The following SERPINA11 variants were observed in gnomAD, a reference collection of about 807,000 sequenced individuals.
The protein encoded by SERPINA11 is serpin family A member 11.
A neutral mutation model predicts 29.4 loss-of-function variants in SERPINA11; 28 were observed. The observed-to-expected ratio is 0.95, with a 90% CI of 0.70 to 1.30. SERPINA11 has a LOEUF of 1.30. SERPINA11 is among the 50% of genes most tolerant of loss of function. The probability of loss-of-function intolerance (pLI) is 0.00; values close to 1 mark genes in which losing one functional copy is unlikely to be tolerated. For synonymous variants in SERPINA11, 253 were observed against 206.6 expected, an observed-to-expected ratio of 1.22 and a Z score of -1.92; for missense variants, 530 against 507.3, an observed-to-expected ratio of 1.04 and a Z score of -0.43.
chr14:94,446,942 A>T (rs914357223), intron 2 of SERPINA11, among the ~76,000 whole-genome samples: 1 of 152,254 alleles, frequency 6.6e-6, no homozygotes, highest in African/African-American at 2.4e-5. Flanking sequence ...TATTATTCCC[A>T]TATCAGGGAT....
intron 1 of SERPINA11, among the ~76,000 whole-genome samples, chr14:94,451,189 A>G (rs1898579515): frequency 6.6e-6 from 1 of 152,168 alleles, no homozygotes; most frequent in African/African-American, 2.4e-5. Flanking sequence ...TATTTTTGCA[A>G]ATGGGTTTGT....
chr14:94,450,228 T>A (rs929328759), intron 1 of SERPINA11, among the ~76,000 whole-genome samples: 1 of 152,176 alleles, frequency 6.6e-6, no homozygotes, highest in Non-Finnish European at 1.5e-5. Context: ...GAATTGTACC[T>A]GCCCGAAATT....
At chr14:94,443,283 C>T in intron 3 of SERPINA11, 58 bp from the exon 4 acceptor site, 2 of 1,552,488 alleles carry the variant, frequency 1.3e-6, no homozygotes, top group Middle Eastern at 1.7e-4. Context: ...GCCACTCCTG[C>T]TCTGTCTGTC....
intron 4 of SERPINA11, 131 bp from the exon 5 acceptor site, chr14:94,442,940 T>A: frequency 4.8e-6 from 6 of 1,260,134 alleles, no homozygotes; most frequent in Non-Finnish European, 6.6e-6. Flanking sequence ...CATGAAGAGA[T>A]GCCTTAAAGA....
Position 94,446,390 on chromosome 14 carries a change from C to A in SERPINA11, c.858G>T (p.Gln286His). The A allele has an allele frequency of 1.2e-6, 2 of 1,614,170 alleles. No homozygotes were observed. Among genetic ancestry groups the A allele is most frequent in the Non-Finnish European group, 1.7e-6 (2 of 1,180,020 alleles). Residue 286 changes from glutamine to histidine, a missense_variant, in exon 3 of 5, where the codon CAG becomes CAT. Coordinates refer to ENST00000334708, the MANE Select transcript of SERPINA11 (RefSeq NM_001080451.2). ...TCTGTGGCTGCAGAGCAGCCTCCAC[C>A]TGCTTCATTTTCCCCGGGTCAGGGA... The part of the protein sequence containing the change: ...LVLPDPGKMK[Q>H]VEAALQPQTL...
chr14:94,443,329 C>A (rs942773901), intron 3 of SERPINA11, 104 bp from the exon 4 acceptor site: 20 of 1,119,686 alleles, frequency 1.8e-5, no homozygotes, highest in Non-Finnish European at 2.6e-5. Context: ...CATTTCCCAG[C>A]GTGAGAAGCA....
Position 94,442,539 on chromosome 14 carries a change from C to T in SERPINA11, c.*67G>A, listed in dbSNP as rs141705223. 8.9e-3 allele frequency: 10,316 copies of T among 1,156,048 alleles called. 58 individuals are homozygous for T. Among genetic ancestry groups the T allele is most frequent in the Non-Finnish European group, 0.011 (8,668 of 808,038 alleles). The allele number at this position is 1,156,048 out of a possible 1,614,324, so 71.6% of individuals were successfully genotyped here. A position where few individuals can be genotyped will look rare whatever the true frequency, so the allele number is the denominator to read the frequency against. On this transcript the variant is annotated 3_prime_UTR_variant, in exon 5 of 5. Coordinates refer to ENST00000334708, the MANE Select transcript of SERPINA11 (RefSeq NM_001080451.2). ...TGAACCACATAGCAGCCCCAGGATG[C>T]AGGCTGGTTCTGGCCTATCTGTTTG...
intron 1 of SERPINA11, among the ~76,000 whole-genome samples, chr14:94,449,929 G>T (rs1342755986): frequency 3.9e-5 from 6 of 152,188 alleles, no homozygotes; most frequent in African/African-American, 1.4e-4. Flanking sequence ...CAAAGCCTCG[G>T]TCAGGCCCCA....
chr14:94,452,163 GC>G (rs1898598419), intron 1 of SERPINA11, among the ~76,000 whole-genome samples: 1 of 152,130 alleles, frequency 6.6e-6, no homozygotes, highest in Non-Finnish European at 1.5e-5. Context: ...GAGTGGTCCT[GC>G]CCAAATACCG....
Position 94,443,177 on chromosome 14 carries a change from G to A in SERPINA11, c.966C>T (p.Asn322=), listed in dbSNP as rs1287487044. ...LPRFSISGTY[N]LEDILPQIGL... ...CAATTTGGGGAAGTATGTCTTCCAG[G>A]TTATATGTTCCAGAAATTGAAAACC... is the stretch of plus-strand genomic sequence containing the variant. The change falls in exon 4 of 5, where the codon AAC becomes AAT. Residue 322 remains asparagine (N), a synonymous_variant. Coordinates refer to ENST00000334708, the MANE Select transcript of SERPINA11 (RefSeq NM_001080451.2). The A allele has an allele frequency of 1.9e-6, 3 of 1,613,808 alleles. No homozygotes were observed. The highest frequency in any genetic ancestry group is 2.5e-6 in the Non-Finnish European group (3 of 1,179,888).
chr14:94,447,291 C>T (rs991134163), intron 2 of SERPINA11, among the ~76,000 whole-genome samples: 1 of 152,188 alleles, frequency 6.6e-6, no homozygotes, highest in Non-Finnish European at 1.5e-5. Context: ...ATAAATCTGT[C>T]CCCACAAACA....
chr14:94,447,562 C>T (rs1898470033), intron 2 of SERPINA11, among the ~76,000 whole-genome samples: 1 of 152,220 alleles, frequency 6.6e-6, no homozygotes. Flanking sequence ...TGTCACTTCA[C>T]ATTTAAAAGT....
rs113919455 is a variant in SERPINA11 at position 94,448,338 on chromosome 14, C to A, written c.437G>T (p.Arg146Leu). ...KVGNSLFLDK[R>L]LKPRQHYLDS... ...CAAATAGTGCTGCCGAGGCTTTAGT[C>A]GCTTGTCTAGGAACAGGGAGTTTCC... Residue 146 changes from arginine (R) to leucine (L), a missense_variant, in exon 2 of 5, where the codon CGA (arginine) becomes CTA (leucine). Arg to Leu is a moderately radical substitution (Grantham distance 102). Transcript: ENST00000334708. The A allele has an allele frequency of 1.2e-6, 2 of 1,614,192 alleles. No individual in the cohort carries two copies. Among genetic ancestry groups the A allele is most frequent in the African/African-American group, 2.7e-5 (2 of 75,050 alleles).
At chr14:94,446,308 C>T (rs1898436433) in intron 3 of SERPINA11, 23 bp downstream of exon 3, 1 of 1,601,202 alleles carries the variant, frequency 6.2e-7, no homozygotes, top group Non-Finnish European at 8.5e-7. Context: ...GGTCAGCCAG[C>T]ATCCTTCTGC....
At chr14:94,445,448 A>G (rs1898415564) in intron 3 of SERPINA11, among the ~76,000 whole-genome samples, 1 of 152,246 alleles carries the variant, frequency 6.6e-6, no homozygotes, top group South Asian at 2.1e-4. Flanking sequence ...AAAGCAAGTG[A>G]GATGGGAAAT....
At chr14:94,447,165 A>G (rs1302811267) in intron 2 of SERPINA11, among the ~76,000 whole-genome samples, 1 of 152,252 alleles carries the variant, frequency 6.6e-6, no homozygotes, top group Non-Finnish European at 1.5e-5. Context: ...AGGAAAAAGA[A>G]TTCAATTAAT....
At chr14:94,445,905 AT>A (rs941272180) in intron 3 of SERPINA11, among the ~76,000 whole-genome samples, 1 of 151,564 alleles carries the variant, frequency 6.6e-6, no homozygotes, top group Non-Finnish European at 1.5e-5. Flanking sequence ...CTCTGATCTG[AT>A]TTTTTTTGCT....
rs577969708 is a variant in SERPINA11, at chr14:94,452,275, T to C, written c.-4+454A>G. Among the ~76,000 whole-genome samples the C allele has an allele frequency of 2.0e-5, 3 of 152,322 alleles. No individual in the cohort carries two copies. The South Asian group carries it at 6.2e-4, about 32-fold the overall frequency. On this transcript the variant is annotated intron_variant, in intron 1 of 4. Transcript: ENST00000334708. ...TATTAGCCCTACTGTACACAGGGAA[T>C]GACTGATGCAGGGTTAGGACAAGCC... is the stretch of plus-strand genomic sequence containing the variant.
At chr14:94,450,466 C>A (rs781257236) in intron 1 of SERPINA11, among the ~76,000 whole-genome samples, 5 of 152,056 alleles carry the variant, frequency 3.3e-5, no homozygotes, top group African/African-American at 9.7e-5. Flanking sequence ...CCGAGGAAAG[C>A]GAAAGATGGC....
Sources: gnomAD v4.1 joint callset for allele counts (sites outside exome capture counted in the v4.1 genomes callset) on GRCh38, gnomAD v4.1.1 for gene constraint, MANE v1.5 for transcripts, NCBI Gene and HGNC (gene_info 2026-07-23, HGNC 2026-07-21) for gene names.